Variants in SULT6B1 observed in about 807,000 individuals in gnomAD.
The protein encoded by SULT6B1 is sulfotransferase family 6B member 1.
SULT6B1 carries 44 observed loss-of-function variants against 37.2 expected under a neutral mutation model. The ratio of observed to expected loss-of-function variants is 1.18; its 90% confidence interval spans 0.93 to 1.52. The LOEUF (loss-of-function observed/expected upper bound fraction) is 1.52. Ranked by LOEUF, SULT6B1 falls within the 40% of genes most tolerant of loss-of-function variation. The pLI, the probability that SULT6B1 is intolerant of heterozygous loss-of-function variation, is 0.00. For missense variants in SULT6B1, 450 were observed against 361.0 expected, an observed-to-expected ratio of 1.25 and a Z score of -2.00; for synonymous variants, 140 against 126.0, an observed-to-expected ratio of 1.11 and a Z score of -0.74.
intron 1 of SULT6B1, among the ~76,000 whole-genome samples, chr2:37,194,220 G>C (rs12992047): frequency 0.47 from 71,532 of 151,352 alleles, 17,289 homozygotes; most frequent in African/African-American, 0.54. Context: ...GTCACCTAGG[G>C]TGGAGTGCAG....
intron 5 of SULT6B1, among the ~76,000 whole-genome samples, chr2:37,173,007 C>G (rs1365713971): frequency 6.6e-6 from 1 of 151,934 alleles, no homozygotes; most frequent in East Asian, 1.9e-4. Flanking sequence ...CACGCACCAC[C>G]ACACCCAGCT....
chr2:37,186,854 C>T (rs898889596), intron 2 of SULT6B1, among the ~76,000 whole-genome samples: 1 of 152,130 alleles, frequency 6.6e-6, no homozygotes, highest in African/African-American at 2.4e-5. Flanking sequence ...CATGATCACA[C>T]CACTGCACTG....
In SULT6B1 at chr2:37,167,946, AAT is replaced by A. The variant is rs771696915; in HGVS notation, c.899_900del (p.Tyr300LeufsTer24). The A allele has an allele frequency of 1.9e-6, 3 of 1,591,230 alleles. No homozygotes were observed. Among genetic ancestry groups the A allele is most frequent in the Non-Finnish European group, 1.7e-6 (2 of 1,174,508 alleles). ...TGAATTGACTGGAATCAACCCTGGC[AAT>A]ATGATTCATACTTCAACTTTGCTCC... ...SLGAKLKYES[Y>X]CQG On this transcript the variant is annotated frameshift_variant, in exon 7 of 7. Coordinates refer to ENST00000535679, the MANE Select transcript of SULT6B1 (RefSeq NM_001367551.1). LOFTEE classifies it high-confidence loss of function.
chr2:37,178,067 A>G (rs898148219), intron 4 of SULT6B1, among the ~76,000 whole-genome samples: 2 of 151,984 alleles, frequency 1.3e-5, no homozygotes, highest in Non-Finnish European at 2.9e-5. Flanking sequence ...TTTGAGACGG[A>G]GTTTCTCACT....
intron 2 of SULT6B1, among the ~76,000 whole-genome samples, chr2:37,187,062 T>A (rs1676689641): frequency 6.6e-6 from 1 of 152,236 alleles, no homozygotes; most frequent in African/African-American, 2.4e-5. Context: ...CTATACAGTA[T>A]AGTTGTTAAA....
Position 37,171,465 on chromosome 2 carries a change from GT to G in SULT6B1, c.749del (p.His250ProfsTer37). ...QAMRAKSQDT[H>X]GAVGPFLFRK... ...GGAAAAGGAATGGGCCGACAGCACCGTGTGTGTCCTGAGACTTCGCACGCAT... is the reference window on the plus strand; with the variant it reads ...GGAAAAGGAATGGGCCGACAGCACCGGTGTGTCCTGAGACTTCGCACGCAT... On this transcript the variant is annotated frameshift_variant, in exon 6 of 7. Transcript: ENST00000535679. LOFTEE classifies it high-confidence loss of function. 6.2e-7 allele frequency: 1 copy of G among 1,614,044 alleles called. No individual in the cohort carries two copies. Among genetic ancestry groups the G allele is most frequent in the Non-Finnish European group, 8.5e-7 (1 of 1,179,972 alleles).
At chr2:37,172,886 T>G (rs1676337035) in intron 5 of SULT6B1, among the ~76,000 whole-genome samples, 1 of 150,612 alleles carries the variant, frequency 6.6e-6, no homozygotes, top group Admixed American at 6.7e-5. Flanking sequence ...GGAGTCTTGC[T>G]CTGTGGCCCA....
chr2:37,180,433 T>C (rs542247459), intron 3 of SULT6B1, among the ~76,000 whole-genome samples: 1 of 152,318 alleles, frequency 6.6e-6, no homozygotes, highest in East Asian at 1.9e-4. Flanking sequence ...AAGAGGAAAC[T>C]GTAACCAACA....
intron 6 of SULT6B1, among the ~76,000 whole-genome samples, chr2:37,168,817 T>C (rs1676236126): frequency 6.6e-6 from 1 of 152,268 alleles, no homozygotes; most frequent in Non-Finnish European, 1.5e-5. Flanking sequence ...TAAAGAAAGT[T>C]ACTTTTTTCT....
At chr2:37,190,221 T>C (rs1428358587), upstream of SULT6B1, among the ~76,000 whole-genome samples, 1 of 152,238 alleles carries the variant, frequency 6.6e-6, no homozygotes, top group Non-Finnish European at 1.5e-5. Context: ...CAAATATCTA[T>C]AAATGTAGAC....
intron 2 of SULT6B1, among the ~76,000 whole-genome samples, chr2:37,184,551 G>C (rs1200112258): frequency 6.6e-6 from 1 of 152,194 alleles, no homozygotes; most frequent in Non-Finnish European, 1.5e-5. Context: ...CTGCTTGGTT[G>C]CAGCTACAAT....
chr2:37,171,734 T>C (rs1676307998), intron 5 of SULT6B1, 144 bp from the exon 6 acceptor site: 2 of 673,148 alleles, frequency 3.0e-6, no homozygotes, highest in Middle Eastern at 4.1e-4. Flanking sequence ...TACTTTCATC[T>C]TCTTATGTAA....
At chr2:37,176,307 G>A (rs968412608) in intron 4 of SULT6B1, among the ~76,000 whole-genome samples, 3 of 110,938 alleles carry the variant, frequency 2.7e-5, no homozygotes, top group Admixed American at 1.4e-4. Context: ...CTGTCACCCC[G>A]GCTGGAGTGC....
intron 4 of SULT6B1, among the ~76,000 whole-genome samples, chr2:37,177,481 G>A (rs1302700840): frequency 2.7e-5 from 4 of 148,922 alleles, no homozygotes; most frequent in Admixed American, 1.3e-4. Flanking sequence ...TCACTTATAT[G>A]TGGAATCTTT....
At chr2:37,168,514 T>C (rs559762384) in intron 6 of SULT6B1, among the ~76,000 whole-genome samples, 8 of 152,190 alleles carry the variant, frequency 5.3e-5, no homozygotes, top group Non-Finnish European at 8.8e-5. Flanking sequence ...ACAATATCCA[T>C]TGGGACTCCA....
intron 6 of SULT6B1, among the ~76,000 whole-genome samples, chr2:37,169,452 G>T (rs370771455): frequency 7.2e-5 from 11 of 152,092 alleles, no homozygotes; most frequent in African/African-American, 2.7e-4. Context: ...AAGAACTTCA[G>T]TGGGTTTTTT....
intron 2 of SULT6B1, among the ~76,000 whole-genome samples, chr2:37,185,634 C>T (rs901570264): frequency 6.8e-6 from 1 of 147,670 alleles, no homozygotes; most frequent in Non-Finnish European, 1.5e-5. Flanking sequence ...AGGAGAATTG[C>T]TTGAACCCAG....
At chr2:37,189,136 T>A (rs1358923322), upstream of SULT6B1, among the ~76,000 whole-genome samples, 1 of 152,208 alleles carries the variant, frequency 6.6e-6, no homozygotes, top group African/African-American at 2.4e-5. Context: ...CACTCTCATT[T>A]ACTGGCTCAA....
upstream of SULT6B1, among the ~76,000 whole-genome samples, chr2:37,193,609 G>GAAGAAGA (rs1558454877): frequency 5.9e-5 from 8 of 135,980 alleles, no homozygotes; most frequent in Non-Finnish European, 1.3e-4. Flanking sequence ...AGAAGAAGAA[G>GAAGAAGA]AAGAAGAAGA....
Sources: gnomAD v4.1 joint callset for allele counts (sites outside exome capture counted in the v4.1 genomes callset) on GRCh38, gnomAD v4.1.1 for gene constraint, MANE v1.5 for transcripts, NCBI Gene and HGNC (gene_info 2026-07-23, HGNC 2026-07-21) for gene names.